ATG7: variants seen among roughly 807,000 people sequenced by gnomAD.
ATG7 encodes the protein ubiquitin-like modifier-activating enzyme ATG7.
In ATG7, 70 loss-of-function variants were observed where a neutral mutation model predicts 82.4. The observed-to-expected ratio is 0.85, with a 90% CI of 0.70 to 1.04. The LOEUF (loss-of-function observed/expected upper bound fraction) is 1.04. Among genes scored for constraint, ATG7 ranks in the 50% least tolerant of loss-of-function variants. The pLI is 0.00. For synonymous variants in ATG7, 287 were observed against 313.0 expected (o/e 0.92, Z 0.88); for missense variants, 792 against 864.3 (o/e 0.92, Z 1.05).
chr3:11,315,710 T>G (rs1949305369), intron 9 of ATG7, among the ~76,000 whole-genome samples: 1 of 152,198 alleles, frequency 6.6e-6, no homozygotes, highest in East Asian at 1.9e-4. Flanking sequence ...CAGAATAATT[T>G]TGATACCTTA....
At chr3:11,338,179 C>A (rs1177272697) in intron 11 of ATG7, among the ~76,000 whole-genome samples, 2 of 152,166 alleles carry the variant, frequency 1.3e-5, no homozygotes, top group African/African-American at 4.8e-5. Context: ...CATCATTTAG[C>A]TCCTACTTAT....
chr3:11,424,250 C>T (rs955657968), intron 19 of ATG7, among the ~76,000 whole-genome samples: 1 of 152,044 alleles, frequency 6.6e-6, no homozygotes, highest in African/African-American at 2.4e-5. Flanking sequence ...AAACAAAAAC[C>T]AACTAAAGAT....
Position 11,451,764 on chromosome 3 carries a change from G to GTA in ATG7, c.2079+24846_2079+24847dup, listed in dbSNP as rs560537665. ...TTGGCAACCATAGAAAATATTACGTGTATATATATGTTTATAGTCTCAAAA... is the reference window on the plus strand; with the variant it reads ...TTGGCAACCATAGAAAATATTACGTGTATATATATATGTTTATAGTCTCAAAA... On this transcript the variant is annotated intron_variant, in intron 20 of 20. Transcript: ENST00000693202. Among the ~76,000 whole-genome samples the GTA allele has an allele frequency of 2.5e-3, 358 of 141,206 alleles. 11 individuals carry two copies. In the East Asian group the frequency reaches 0.064, roughly 25 times the overall value. 92.6% of individuals were successfully genotyped at this position (141,206 alleles called of 152,430 possible).
At chr3:11,565,759 G>C in the ATG7 span, among the ~76,000 whole-genome samples, 2 of 152,196 alleles carry the variant, frequency 1.3e-5, no homozygotes, top group East Asian at 1.9e-4. The surrounding 1 kb of genome is among the most constrained non-coding windows in gnomAD (Gnocchi z 4.1). Context: ...ATCCAGGTGA[G>C]ACAGTCAGCA....
chr3:11,369,852 G>A (rs962070907), intron 18 of ATG7, among the ~76,000 whole-genome samples: 2 of 151,112 alleles, frequency 1.3e-5, no homozygotes, highest in African/African-American at 2.4e-5. Flanking sequence ...TAGGAGGTGC[G>A]TGTTTAGGAA....
At chr3:11,564,902 G>GA in the ATG7 span, 1 of 1,607,350 alleles carries the variant, frequency 6.2e-7, no homozygotes, top group Non-Finnish European at 8.5e-7. Context: ...CAAGGCTGGG[G>GA]AGGGAGGTGT....
intron 19 of ATG7, among the ~76,000 whole-genome samples, chr3:11,414,565 A>G (rs2081205823): frequency 1.3e-5 from 2 of 152,132 alleles, no homozygotes; most frequent in African/African-American, 4.8e-5. Flanking sequence ...TTCATTAGCT[A>G]GGCCTTCTAT....
chr3:11,299,131 T>C, intron 4 of ATG7: 1 of 601,384 alleles, frequency 1.7e-6, no homozygotes, highest in East Asian at 2.8e-5. Flanking sequence ...GAAATATTTT[T>C]TCCATTGAAT....
the ATG7 span, among the ~76,000 whole-genome samples, chr3:11,566,451 ATC>A: frequency 2.0e-5 from 3 of 152,274 alleles, no homozygotes; most frequent in Admixed American, 2.0e-4. Context: ...TTCCAGAGCA[ATC>A]TCTTTATAAG....
the ATG7 span, among the ~76,000 whole-genome samples, chr3:11,576,092 G>T: frequency 6.6e-6 from 1 of 152,156 alleles, no homozygotes; most frequent in African/African-American, 2.4e-5. Context: ...TGAGAAACAG[G>T]TCATGGCTGA....
intron 20 of ATG7, among the ~76,000 whole-genome samples, chr3:11,435,762 C>T (rs1016842761): frequency 1.3e-5 from 2 of 152,164 alleles, no homozygotes; most frequent in African/African-American, 4.8e-5. Context: ...ATAATTCCTA[C>T]TCCTCACAAT....
At chr3:11,310,383 C>T (rs559144907) in intron 7 of ATG7, among the ~76,000 whole-genome samples, 33 of 152,146 alleles carry the variant, frequency 2.2e-4, no homozygotes, top group African/African-American at 6.7e-4. Context: ...TTTCCTTCCC[C>T]GACCTCCCAC....
At chr3:11,520,489 G>T (rs893248215) in intron 20 of ATG7, among the ~76,000 whole-genome samples, 2 of 152,206 alleles carry the variant, frequency 1.3e-5, no homozygotes, top group African/African-American at 4.8e-5. Flanking sequence ...GGCTACTGAT[G>T]GTGGCTGCCG....
intron 19 of ATG7, among the ~76,000 whole-genome samples, chr3:11,381,986 A>G (rs1559507379): frequency 6.6e-6 from 1 of 152,234 alleles, no homozygotes; most frequent in Non-Finnish European, 1.5e-5. Flanking sequence ...TTCTTAATGT[A>G]TATTTAGTAT....
At chr3:11,468,147 C>A in intron 20 of ATG7, among the ~76,000 whole-genome samples, 1 of 152,176 alleles carries the variant, frequency 6.6e-6, no homozygotes, top group East Asian at 1.9e-4. Flanking sequence ...CATCCCTGCT[C>A]GCCCTTTGAG....
chr3:11,389,830 A>G (rs2078645352), intron 19 of ATG7, among the ~76,000 whole-genome samples: 1 of 151,994 alleles, frequency 6.6e-6, no homozygotes, highest in Non-Finnish European at 1.5e-5. Context: ...TTTGTAATTG[A>G]CTCTGGATTC....
At position 11,504,263 on chromosome 3, in the gene ATG7, G is replaced by C. The variant is rs572552737; in HGVS notation, c.2080-50548G>C. 2.0e-5 allele frequency among the ~76,000 whole-genome samples: 3 copies of C among 152,236 alleles called. 1 individual carries two copies. Among genetic ancestry groups the C allele is most frequent in the African/African-American group, 7.2e-5 (3 of 41,516 alleles). The stretch of plus-strand genomic sequence containing the variant: ...GCAACAATGCTTTCAAACAATAAAG[G>C]GAAATTATATCTAATCTACAAGTCT... On this transcript the variant is annotated intron_variant, in intron 20 of 20. Transcript: ENST00000693202.
Position 11,554,963 on chromosome 3 carries a change from T to A in ATG7, c.*120T>A. On this transcript the variant is annotated 3_prime_UTR_variant, in exon 21 of 21. Transcript: ENST00000693202. Reference sequence around the variant, plus strand: ...TGGGCCCCTCCTCCATACCCCGAGGTCTGGGATTCCCCCCTCTGCTGCCCA... The same window carrying A: ...TGGGCCCCTCCTCCATACCCCGAGGACTGGGATTCCCCCCTCTGCTGCCCA... 7.7e-7 allele frequency: 1 copy of A among 1,300,546 alleles called. No homozygotes were observed. The highest frequency in any genetic ancestry group is 1.0e-6 in the Non-Finnish European group (1 of 959,898). 80.6% of individuals were successfully genotyped at this position (1,300,546 alleles called of 1,614,324 possible).
At chr3:11,536,298 G>A (rs2070289541) in intron 20 of ATG7, among the ~76,000 whole-genome samples, 1 of 152,222 alleles carries the variant, frequency 6.6e-6, no homozygotes, top group African/African-American at 2.4e-5. Flanking sequence ...CAGCGCTGAG[G>A]TTGGTCCACT....
Sources: allele counts gnomAD v4.1 joint callset (sites outside exome capture counted in the v4.1 genomes callset), GRCh38; gene constraint gnomAD v4.1.1; non-coding constraint Gnocchi (gnomAD v3.1); transcripts MANE v1.5; gene names NCBI Gene and HGNC (gene_info 2026-07-23, HGNC 2026-07-21).